The following ITGB6 variants were observed in gnomAD, a reference collection of about 807,000 sequenced individuals.
ITGB6 encodes the protein integrin beta-6.
A neutral mutation model predicts 84.5 loss-of-function variants in ITGB6; 80 were observed. The ratio of observed to expected loss-of-function variants is 0.95; its 90% CI spans 0.79 to 1.14. The LOEUF (loss-of-function observed/expected upper bound fraction) is 1.14, where lower values mean the gene tolerates loss of function less well. ITGB6 is among the 50% of genes most tolerant of loss of function. The pLI is 0.00. For missense variants in ITGB6, 1,006 were observed against 968.0 expected, an observed-to-expected ratio of 1.04 and a Z score of -0.52; for synonymous variants, 383 against 354.9, an observed-to-expected ratio of 1.08 and a Z score of -0.89.
At chr2:160,111,943 C>T (rs1559088124) in intron 13 of ITGB6, 137 bp downstream of exon 13, 10 of 856,888 alleles carry the variant, frequency 1.2e-5, no homozygotes, top group Non-Finnish European at 1.7e-5. Flanking sequence ...TCTTTCAATC[C>T]TTGGGAAACT....
intron 4 of ITGB6, among the ~76,000 whole-genome samples, chr2:160,178,111 G>A (rs1336310344): frequency 1.3e-5 from 2 of 152,242 alleles, no homozygotes; most frequent in African/African-American, 4.8e-5. Context: ...CTGACCTCAA[G>A]TGATGCACCC....
intron 7 of ITGB6, among the ~76,000 whole-genome samples, chr2:160,150,483 G>A (rs1382692654): frequency 6.6e-6 from 1 of 152,130 alleles, no homozygotes; most frequent in Non-Finnish European, 1.5e-5. Flanking sequence ...GAAACAACCG[G>A]TACTAGCCAC....
chr2:160,175,079 G>A (rs72982036), intron 4 of ITGB6, among the ~76,000 whole-genome samples: 23,482 of 152,202 alleles, frequency 0.15, 2,430 homozygotes, highest in Non-Finnish European at 0.24. Flanking sequence ...GAGACAAAAA[G>A]GCATAGCGCC....
chr2:160,189,153 TA>T (rs1163552904), intron 4 of ITGB6, among the ~76,000 whole-genome samples: 3 of 152,176 alleles, frequency 2.0e-5, no homozygotes, highest in Non-Finnish European at 4.4e-5. Context: ...TAGCCATATG[TA>T]AAAAGCTGAA....
rs1277066102 is a variant in ITGB6 at position 160,195,381 on chromosome 2, G to A, written c.581C>T (p.Ala194Val). The A allele has an allele frequency of 2.5e-6, 4 of 1,614,012 alleles. No individual in the cohort carries two copies. The highest frequency in any genetic ancestry group is 3.4e-6 in the Non-Finnish European group (4 of 1,179,996). The change falls in exon 4 of 15, where the codon GCC (alanine) becomes GTC (valine). Residue 194 changes from alanine to valine, a missense_variant. Coordinates refer to ENST00000283249, the MANE Select transcript of ITGB6 (RefSeq NM_000888.5). ...ATCATTTACTTACCTGCAAGGGTTG[G>A]CAATTTCTTCTGGTGTTGTTTTCAC... is the stretch of plus-strand genomic sequence containing the variant. ...PFVKTTPEEI[A>V]NPCSSIPYFC...
intron 4 of ITGB6, among the ~76,000 whole-genome samples, chr2:160,184,950 C>G: frequency 6.6e-6 from 1 of 152,166 alleles, no homozygotes; most frequent in East Asian, 1.9e-4. Context: ...TAAAAACTCT[C>G]AATAAACTAG....
chr2:160,197,603 C>A (rs1237054699), intron 2 of ITGB6, among the ~76,000 whole-genome samples: 3 of 152,210 alleles, frequency 2.0e-5, no homozygotes, highest in Non-Finnish European at 4.4e-5. Flanking sequence ...TTGCTGTTTT[C>A]ATCAACTAGG....
At chr2:160,165,684 T>C (rs918839870) in intron 7 of ITGB6, among the ~76,000 whole-genome samples, 28 of 152,288 alleles carry the variant, frequency 1.8e-4, no homozygotes, top group Admixed American at 5.9e-4. Context: ...GGCTGCTGTT[T>C]ATGTTTGTTT....
At position 160,107,936 on chromosome 2, in the gene ITGB6, C is replaced by G. The variant is rs1324215380; in HGVS notation, c.2102-91G>C. ...CTTGTTGGATTTTCATCTACATTTTCTGCAGCAGAGGATAAATATTGACAC... is the reference window on the plus strand; with the variant it reads ...CTTGTTGGATTTTCATCTACATTTTGTGCAGCAGAGGATAAATATTGACAC... On this transcript the variant is annotated intron_variant, in intron 13 of 14. Coordinates refer to ENST00000283249, the MANE Select transcript of ITGB6 (RefSeq NM_000888.5). The G allele has an allele frequency of 7.9e-6, 9 of 1,141,408 alleles. No homozygotes were observed. The East Asian group carries it at 2.0e-4, about 26-fold the overall frequency. 70.7% of individuals were successfully genotyped at this position (1,141,408 alleles called of 1,614,324 possible). A position where few individuals can be genotyped will look rare whatever the true frequency, so the allele number is the denominator to read the frequency against.
Position 160,133,605 on chromosome 2 carries a change from C to T in ITGB6, c.1660+3829G>A, listed in dbSNP as rs556289723. Among the ~76,000 whole-genome samples the T allele has an allele frequency of 2.5e-3, 376 of 151,602 alleles. 3 individuals are homozygous for T. The highest frequency in any genetic ancestry group is 8.3e-3 in the African/African-American group (343 of 41,510). The stretch of plus-strand genomic sequence containing the variant: ...ACCCCAAATCAACAGAATATACATT[C>T]TTTTCAGCACCACACCACACCTATT... On this transcript the variant is annotated intron_variant, in intron 10 of 14. Coordinates refer to ENST00000283249, the MANE Select transcript of ITGB6 (RefSeq NM_000888.5).
chr2:160,148,361 T>G (rs1212204466), intron 7 of ITGB6, among the ~76,000 whole-genome samples: 1 of 152,184 alleles, frequency 6.6e-6, no homozygotes, highest in African/African-American at 2.4e-5. Flanking sequence ...CTGGTGGGAA[T>G]GCAAAATGAT....
In ITGB6 at chr2:160,138,087, G is replaced by T. The variant is rs147811874; in HGVS notation, c.1220C>A (p.Ser407Tyr). The change falls in exon 9 of 15, where the codon TCT becomes TAT. Residue 407 changes from serine to tyrosine, a missense_variant. By Grantham distance (144) the Ser-to-Tyr change is moderately radical (BLOSUM62 -2). Coordinates refer to ENST00000283249, the MANE Select transcript of ITGB6 (RefSeq NM_000888.5). ...GTLFQHQKKC[S>Y]HMKVGDTASF... ...TACTGTGTCTCCCACTTTCATGTGA[G>T]AGCATTTCTTTTGGTGTTGGAAGAG... is the stretch of plus-strand genomic sequence containing the variant. 1.1e-5 allele frequency: 18 copies of T among 1,613,430 alleles called. No homozygotes were observed. The African/African-American group carries it at 1.5e-4, about 13-fold the overall frequency.
chr2:160,158,574 A>G (rs1684709508), intron 7 of ITGB6, among the ~76,000 whole-genome samples: 1 of 152,230 alleles, frequency 6.6e-6, no homozygotes. Flanking sequence ...AAAGCTTTAG[A>G]AAGCTCTTTT....
chr2:160,171,387 T>G (rs1207723021), intron 6 of ITGB6, among the ~76,000 whole-genome samples: 1 of 147,454 alleles, frequency 6.8e-6, no homozygotes, highest in Non-Finnish European at 1.5e-5. Context: ...CAGGCTAGAG[T>G]GCAGTGGTGC....
At chr2:160,121,331 T>G (rs2105794614) in intron 12 of ITGB6, among the ~76,000 whole-genome samples, 1 of 152,276 alleles carries the variant, frequency 6.6e-6, no homozygotes, top group Admixed American at 6.5e-5. Context: ...ATAACAACTC[T>G]CAGAAGTCCT....
At chr2:160,137,213 C>T (rs1305519000) in intron 10 of ITGB6, among the ~76,000 whole-genome samples, 1 of 152,056 alleles carries the variant, frequency 6.6e-6, no homozygotes, top group African/African-American at 2.4e-5. Flanking sequence ...CTTAGGGAAA[C>T]AATAATAGAC....
At chr2:160,112,251 G>GT in intron 12 of ITGB6, 52 bp from the exon 13 acceptor site, 1 of 1,529,786 alleles carries the variant, frequency 6.5e-7, no homozygotes. Context: ...AAAAGAGATT[G>GT]TTTTTAAAAC....
intron 7 of ITGB6, among the ~76,000 whole-genome samples, chr2:160,146,019 A>T (rs907436736): frequency 2.4e-4 from 37 of 151,680 alleles, no homozygotes; most frequent in African/African-American, 8.2e-4. Flanking sequence ...CTTATAGCCC[A>T]CTCTTGTGAC....
In ITGB6 at chr2:160,145,468, A is replaced by T. The variant is rs142918387; in HGVS notation, c.1018-3397T>A. Among the ~76,000 whole-genome samples, 383 of 152,280 alleles carry T rather than the reference A, an allele frequency of 2.5e-3. 2 individuals carry two copies. Among genetic ancestry groups the T allele is most frequent in the African/African-American group, 8.5e-3 (353 of 41,542 alleles). On this transcript the variant is annotated intron_variant, in intron 7 of 14. Coordinates refer to ENST00000283249, the MANE Select transcript of ITGB6 (RefSeq NM_000888.5). ...TTCACTCGGCCCCATCTCCAAAAAG[A>T]TTATGTATATATCCAACAGTCTGCA...
Sources: gnomAD v4.1 joint callset for allele counts (sites outside exome capture counted in the v4.1 genomes callset) on GRCh38, gnomAD v4.1.1 for gene constraint, MANE v1.5 for transcripts, NCBI Gene and HGNC (gene_info 2026-07-23, HGNC 2026-07-21) for gene names.